ANK2: variants seen among roughly 807,000 people sequenced by gnomAD.
The protein encoded by ANK2 is ankyrin 2.
ANK2 carries 83 observed loss-of-function variants against 360.5 expected under a neutral mutation model. The observed-to-expected ratio is 0.23, with a 90% CI of 0.19 to 0.28. The LOEUF (loss-of-function observed/expected upper bound fraction) is 0.28, where lower values mean the gene tolerates loss of function less well. Ranked by LOEUF, ANK2 falls within the 10% of genes least tolerant of loss-of-function variation. ANK2 has a pLI of 1.00. For missense variants in ANK2, 4,201 were observed against 4,795.7 expected (o/e 0.88, Z 3.66); for synonymous variants, 1,740 against 1,759.5 (o/e 0.99, Z 0.28).
intron 4 of ANK2, among the ~76,000 whole-genome samples, chr4:113,226,181 A>G (rs72898060): frequency 0.021 from 3,192 of 152,240 alleles, 100 homozygotes; most frequent in African/African-American, 0.071. Context: ...CTGTTTTCCA[A>G]TGTATCCTCC....
Position 113,089,772 on chromosome 4 carries a change from C to A in ANK2, c.84+39960C>A, listed in dbSNP as rs1042917430. Among the ~76,000 whole-genome samples the A allele has an allele frequency of 2.0e-5, 3 of 151,860 alleles. No homozygotes were observed. In the East Asian group the frequency reaches 5.8e-4, roughly 29 times the overall value. The stretch of plus-strand genomic sequence containing the variant: ...CCGGGAGGCGGAAATTGCAGTGAGC[C>A]GAGATCGCACCACTGCACTCCAGCC... On this transcript the variant is annotated intron_variant, in intron 1 of 45. Transcript: ENST00000357077.
intron 2 of ANK2, among the ~76,000 whole-genome samples, chr4:112,966,191 T>C (rs1023675741): frequency 4.0e-5 from 6 of 151,712 alleles, no homozygotes; most frequent in Non-Finnish European, 7.4e-5. Context: ...TGTGAACATT[T>C]ATACTATAAA....
the ANK2 span, among the ~76,000 whole-genome samples, chr4:112,746,988 T>G: frequency 6.6e-6 from 1 of 152,218 alleles, no homozygotes; most frequent in Non-Finnish European, 1.5e-5. Flanking sequence ...TTCTATTATA[T>G]TATTTCAGGA....
intron 1 of ANK2, among the ~76,000 whole-genome samples, chr4:113,161,371 C>CT (rs1039770542): frequency 3.3e-5 from 5 of 152,108 alleles, no homozygotes; most frequent in African/African-American, 9.7e-5. Context: ...ATTTGCTCAT[C>CT]TTTTTTCTAC....
chr4:113,295,815 T>G (rs2071073327), intron 22 of ANK2, among the ~76,000 whole-genome samples: 1 of 152,194 alleles, frequency 6.6e-6, no homozygotes, highest in Non-Finnish European at 1.5e-5. Context: ...CTGGTCTCTC[T>G]TCACTGTCTG....
At chr4:113,271,357 C>T (rs983641377) in intron 14 of ANK2, among the ~76,000 whole-genome samples, 3 of 152,154 alleles carry the variant, frequency 2.0e-5, no homozygotes, top group Non-Finnish European at 1.5e-5. Flanking sequence ...TCCGTTTCCC[C>T]CAAATGAGGG....
At chr4:113,134,720 T>C (rs2096286040) in intron 1 of ANK2, among the ~76,000 whole-genome samples, 1 of 152,228 alleles carries the variant, frequency 6.6e-6, no homozygotes. Context: ...CTTTTATTGA[T>C]AATTCTTTTT....
At chr4:113,120,296 T>C (rs772678985) in intron 1 of ANK2, among the ~76,000 whole-genome samples, 23 of 152,198 alleles carry the variant, frequency 1.5e-4, no homozygotes, top group Non-Finnish European at 3.1e-4. Flanking sequence ...ATCTCTATTC[T>C]AATTATTAGC....
At chr4:112,739,187 A>C in the ANK2 span, 1 of 335,228 alleles carries the variant, frequency 3.0e-6, no homozygotes, top group African/African-American at 2.2e-5. Context: ...AAACTCCTAC[A>C]TTCTAGAAGA....
At chr4:112,733,258 T>C in the ANK2 span, among the ~76,000 whole-genome samples, 1 of 152,062 alleles carries the variant, frequency 6.6e-6, no homozygotes, top group Non-Finnish European at 1.5e-5. Flanking sequence ...AATAACACTG[T>C]TATTTATATC....
At chr4:112,810,619 T>A in the ANK2 span, among the ~76,000 whole-genome samples, 3 of 152,128 alleles carry the variant, frequency 2.0e-5, no homozygotes, top group Admixed American at 6.6e-5. Flanking sequence ...TGGTGCAATC[T>A]CAGCTCACCG....
chr4:112,997,077 T>C lies in ANK2; in HGVS notation c.21+92563T>C, dbSNP rs557900340. On this transcript the variant is annotated intron_variant, in intron 2 of 30. Transcript: ENST00000503271. ...ATTTTTCAAACTGCACATATGTCCC[T>C]GCTCTATGGATTTTTTTTTAGGCTT... Among the ~76,000 whole-genome samples, 40 of 152,034 alleles carry C rather than the reference T, an allele frequency of 2.6e-4. 1 individual carries two copies. Among genetic ancestry groups the C allele is most frequent in the Admixed American group, 2.4e-3 (37 of 15,278 alleles).
At chr4:113,119,260 G>A (rs2095153766) in intron 1 of ANK2, among the ~76,000 whole-genome samples, 1 of 151,878 alleles carries the variant, frequency 6.6e-6, no homozygotes, top group East Asian at 1.9e-4. Flanking sequence ...TTTTTCATGT[G>A]CACCTATTGC....
chr4:113,020,633 G>A (rs1192842241), intron 2 of ANK2, among the ~76,000 whole-genome samples: 1 of 152,078 alleles, frequency 6.6e-6, no homozygotes, highest in African/African-American at 2.4e-5. Context: ...TCCAAGACCA[G>A]CCTGGCAAAC....
At chr4:113,045,320 T>C (rs2064007563), upstream of ANK2, among the ~76,000 whole-genome samples, 1 of 152,212 alleles carries the variant, frequency 6.6e-6, no homozygotes, top group South Asian at 2.1e-4. Flanking sequence ...CATTGTCATC[T>C]GACAGCGGTT....
chr4:112,906,362 G>A (rs2085214281), intron 2 of ANK2, among the ~76,000 whole-genome samples: 1 of 152,128 alleles, frequency 6.6e-6, no homozygotes, highest in African/African-American at 2.4e-5. Flanking sequence ...AAGAGATAAG[G>A]GGATAGAGTT....
chr4:113,048,193 A>T (rs2065195501), upstream of ANK2, among the ~76,000 whole-genome samples: 1 of 138,298 alleles, frequency 7.2e-6, no homozygotes, highest in Admixed American at 7.7e-5. Context: ...TGTTTAGAAT[A>T]TACATATGTG....
At chr4:113,118,735 G>A (rs1029692704) in intron 1 of ANK2, among the ~76,000 whole-genome samples, 4 of 152,068 alleles carry the variant, frequency 2.6e-5, no homozygotes, top group Non-Finnish European at 4.4e-5. Flanking sequence ...TGTGGAGGTC[G>A]ACTTCCTTCT....
rs532057513 is a variant in ANK2 at position 112,996,642 on chromosome 4, A to G, written c.21+92128A>G. Among the ~76,000 whole-genome samples, 195 of 152,186 alleles carry G rather than the reference A, an allele frequency of 1.3e-3. 1 individual carries two copies. The highest frequency in any genetic ancestry group is 2.6e-3 in the Admixed American group (40 of 15,284). On this transcript the variant is annotated intron_variant, in intron 2 of 30. Coordinates refer to the ANK2 transcript ENST00000503271. ...TGGGTACGTGGTATATTTATGGGGT[A>G]CATGTGATGTTTTGATACAGGCATG... is the stretch of plus-strand genomic sequence containing the variant.
Sources: gnomAD v4.1 joint callset for allele counts (sites outside exome capture counted in the v4.1 genomes callset) on GRCh38, gnomAD v4.1.1 for gene constraint, MANE v1.5 for transcripts, NCBI Gene and HGNC (gene_info 2026-07-23, HGNC 2026-07-21) for gene names.